Variants in IP6K1 observed in about 807,000 individuals in gnomAD.
IP6K1 encodes ATP:1D-myo-inositol-hexakisphosphate phosphotransferase.
A neutral mutation model predicts 38.3 loss-of-function variants in IP6K1; 13 were observed. The ratio of observed to expected loss-of-function variants is 0.34; its 90% confidence interval spans 0.22 to 0.54. The LOEUF (loss-of-function observed/expected upper bound fraction) is 0.54. IP6K1 is among the 20% of genes least tolerant of loss of function. IP6K1 has a pLI of 0.92. For synonymous variants in IP6K1, 212 were observed against 229.9 expected, an observed-to-expected ratio of 0.92 and a Z score of 0.70; for missense variants, 397 against 599.8, an observed-to-expected ratio of 0.66 and a Z score of 3.53.
At chr3:49,736,642 A>C (rs2080614577) in intron 3 of IP6K1, among the ~76,000 whole-genome samples, 1 of 152,358 alleles carries the variant, frequency 6.6e-6, no homozygotes, top group Middle Eastern at 3.4e-3. Flanking sequence ...GGTTAGCCAG[A>C]AACTGGAAAC....
chr3:49,777,000 C>G (rs1487949136), intron 1 of IP6K1, among the ~76,000 whole-genome samples: 1 of 151,890 alleles, frequency 6.6e-6, no homozygotes. Context: ...TTGGGGAGGC[C>G]AAGGTGGATG....
intron 2 of IP6K1, 40 bp from the exon 3 acceptor site, chr3:49,738,462 A>G: frequency 6.6e-7 from 1 of 1,511,654 alleles, no homozygotes; most frequent in Non-Finnish European, 9.2e-7. Context: ...ATGTCAACAC[A>G]GGCCGAGTCT....
chr3:49,774,407 CAAAAAAAAAAAAAA>C (rs777187857), intron 1 of IP6K1, among the ~76,000 whole-genome samples: 1 of 44,286 alleles, frequency 2.3e-5, no homozygotes, highest in Non-Finnish European at 4.7e-5. Flanking sequence ...GACTCCATCT[CAAAAAAAAAAAAAA>C]AAAAAAAAGA....
At chr3:49,782,138 T>C (rs923841647) in intron 1 of IP6K1, among the ~76,000 whole-genome samples, 1 of 150,952 alleles carries the variant, frequency 6.6e-6, no homozygotes, top group Non-Finnish European at 1.5e-5. Context: ...AGATAAATTA[T>C]GCAAAGATAA....
chr3:49,754,240 G>A (rs2108243251), intron 1 of IP6K1, among the ~76,000 whole-genome samples: 2 of 152,044 alleles, frequency 1.3e-5, no homozygotes, highest in East Asian at 3.9e-4. Flanking sequence ...GCCAGGCGTG[G>A]TGGTGTACAC....
At chr3:49,737,945 G>A (rs1407081250) in intron 3 of IP6K1, among the ~76,000 whole-genome samples, 1 of 152,184 alleles carries the variant, frequency 6.6e-6, no homozygotes. Context: ...AAAAGCCAGA[G>A]AACCTTTTGT....
At chr3:49,752,930 T>G (rs1395350959) in intron 1 of IP6K1, among the ~76,000 whole-genome samples, 1 of 151,714 alleles carries the variant, frequency 6.6e-6, no homozygotes, top group Non-Finnish European at 1.5e-5. Flanking sequence ...AATTTTATTT[T>G]TGTATTTTTA....
In IP6K1 at chr3:49,774,995, G is replaced by T. The variant is rs1280100066; in HGVS notation, c.-129+11359C>A. On this transcript the variant is annotated intron_variant, in intron 1 of 5. Coordinates refer to ENST00000321599, the MANE Select transcript of IP6K1 (RefSeq NM_153273.4). ...ATACATACAATATAAAACCTTTTAG[G>T]TATGTTTCTATTTAAAAACACCTTA... 4.0e-5 allele frequency among the ~76,000 whole-genome samples: 6 copies of T among 151,822 alleles called. No homozygotes were observed. The East Asian group carries it at 1.2e-3, about 29-fold the overall frequency.
chr3:49,772,239 A>ATGTG (rs1396857112), intron 1 of IP6K1, among the ~76,000 whole-genome samples: 33 of 147,880 alleles, frequency 2.2e-4, no homozygotes, highest in African/African-American at 8.1e-4. Flanking sequence ...ATATATATAT[A>ATGTG]TATGTGTGTG....
chr3:49,763,194 C>A (rs1423995402), intron 1 of IP6K1, among the ~76,000 whole-genome samples: 1 of 151,304 alleles, frequency 6.6e-6, no homozygotes, highest in African/African-American at 2.4e-5. Context: ...AGCTCCGCCT[C>A]CCGGGTTCAC....
chr3:49,727,689 AG>A lies in IP6K1; in HGVS notation c.793-35del, dbSNP rs2080521865. The A allele has an allele frequency of 6.3e-7, 1 of 1,597,906 alleles. No individual in the cohort carries two copies. Among genetic ancestry groups the A allele is most frequent in the Non-Finnish European group, 8.5e-7 (1 of 1,170,212 alleles). Reference sequence around the variant, plus strand: ...CCAGGAGGCAGACAGGGTGAGTGCCAGGGAAGTCTGAAGAGCTCACAGTGCC... The same window carrying A: ...CCAGGAGGCAGACAGGGTGAGTGCCAGGAAGTCTGAAGAGCTCACAGTGCC... On this transcript the variant is annotated intron_variant, in intron 5 of 5. Coordinates refer to ENST00000321599, the MANE Select transcript of IP6K1 (RefSeq NM_153273.4). This position sits in a 1 kb window ranked among gnomAD's most constrained non-coding sequence, Gnocchi z 5.9.
chr3:49,780,801 T>A (rs1381729276), intron 1 of IP6K1, among the ~76,000 whole-genome samples: 1 of 152,172 alleles, frequency 6.6e-6, no homozygotes, highest in Non-Finnish European at 1.5e-5. Context: ...TATAAAGCAC[T>A]AGAGTTAACA....
rs111561063 is a variant in IP6K1 at position 49,738,303 on chromosome 3, G to A, written c.343C>T (p.Arg115Cys). Reference sequence around the variant, plus strand: ...TGCAGGCTCCGGCGGGAGTGTTTGCGCCGAGGTTGCTCCCGTTCTGTTGTG... The same window carrying A: ...TGCAGGCTCCGGCGGGAGTGTTTGCACCGAGGTTGCTCCCGTTCTGTTGTG... ...DDTTEREQPR[R>C]KHSRRSLHRS... is the part of the protein sequence containing the mutation. Residue 115 changes from arginine (R) to cysteine (C), a missense_variant, in exon 3 of 6, where the codon CGC becomes TGC. Around this residue, in one of 3 missense-constraint regions of IP6K1, gnomAD observed 171 missense variants for 237.0 expected, o/e 0.72. Coordinates refer to ENST00000321599, the MANE Select transcript of IP6K1 (RefSeq NM_153273.4). 9.9e-6 allele frequency: 16 copies of A among 1,614,188 alleles called. No individual in the cohort carries two copies. The highest frequency in any genetic ancestry group is 8.3e-5 in the Admixed American group (5 of 60,016).
At chr3:49,729,975 C>T (rs2080549434) in intron 4 of IP6K1, among the ~76,000 whole-genome samples, 2 of 152,132 alleles carry the variant, frequency 1.3e-5, no homozygotes. Flanking sequence ...TCATTGCAAC[C>T]TCTGCCTCCT....
At chr3:49,760,374 A>G (rs2080857468) in intron 1 of IP6K1, among the ~76,000 whole-genome samples, 2 of 152,190 alleles carry the variant, frequency 1.3e-5, no homozygotes. Context: ...CTGTAATTCC[A>G]ACACTTTGGG....
At chr3:49,743,257 C>T (rs1483098659) in intron 2 of IP6K1, among the ~76,000 whole-genome samples, 2 of 151,026 alleles carry the variant, frequency 1.3e-5, no homozygotes, top group Non-Finnish European at 3.0e-5. Flanking sequence ...CACACACACA[C>T]ACACACACAC....
intron 1 of IP6K1, among the ~76,000 whole-genome samples, chr3:49,752,289 C>T (rs2080784876): frequency 6.6e-6 from 1 of 151,984 alleles, no homozygotes; most frequent in African/African-American, 2.4e-5. Flanking sequence ...AGATTGAGAC[C>T]ATCCTGGCTA....
chr3:49,753,543 G>A (rs1575316381), intron 1 of IP6K1, among the ~76,000 whole-genome samples: 1 of 152,052 alleles, frequency 6.6e-6, no homozygotes, highest in East Asian at 1.9e-4. Context: ...AGTTATATGA[G>A]TATCCTAAGT....
intron 1 of IP6K1, among the ~76,000 whole-genome samples, chr3:49,750,393 G>A (rs2053262036): frequency 1.3e-5 from 2 of 152,176 alleles, no homozygotes; most frequent in African/African-American, 4.8e-5. Context: ...GAATGGTGCA[G>A]GAGGAGAGTC....
Sources: allele counts gnomAD v4.1 joint callset (sites outside exome capture counted in the v4.1 genomes callset), GRCh38; gene constraint gnomAD v4.1.1; regional missense constraint gnomAD v4.1.1; non-coding constraint Gnocchi (gnomAD v3.1); transcripts MANE v1.5; gene names NCBI Gene and HGNC (gene_info 2026-07-23, HGNC 2026-07-21).